ANKRD34C: variants seen among roughly 807,000 people sequenced by gnomAD.
ANKRD34C encodes ankyrin repeat domain-containing protein 34C.
For missense variants in ANKRD34C, 563 were observed against 653.0 expected, an observed-to-expected ratio of 0.86 and a Z score of 1.50; for synonymous variants, 260 against 253.6, an observed-to-expected ratio of 1.03 and a Z score of -0.24.
intron 1 of ANKRD34C, among the ~76,000 whole-genome samples, chr15:79,286,530 G>C (rs535593362): frequency 6.6e-6 from 1 of 152,194 alleles, no homozygotes; most frequent in African/African-American, 2.4e-5. Context: ...TTTATTCACT[G>C]TGATGCACAA....
At position 79,295,277 on chromosome 15, in the gene ANKRD34C, C is replaced by T. The variant is rs939637088; in HGVS notation, c.*385C>T. 3 of 181,586 alleles carry T rather than the reference C, an allele frequency of 1.7e-5. No individual in the cohort carries two copies. The highest frequency in any genetic ancestry group is 1.6e-4 in the South Asian group (1 of 6,202). 11.2% of individuals were successfully genotyped at this position (181,586 alleles called of 1,614,324 possible). A position where few individuals can be genotyped will look rare whatever the true frequency, so the allele number is the denominator to read the frequency against. ...ATCTATAAAGTGCCTACATAGAAAA[C>T]GAGGCTTTAACATTTGTTAGAATGT... On this transcript the variant is annotated 3_prime_UTR_variant, in exon 2 of 2. Coordinates refer to ENST00000421388, the MANE Select transcript of ANKRD34C (RefSeq NM_001146341.2).
Position 79,294,139 on chromosome 15 carries a change from C to G in ANKRD34C, c.855C>G (p.Ile285Met). ...ASTDNEVIKS[I>M]SDISFPKRGP... is the part of the protein sequence containing the mutation. ...CAGACAACGAGGTCATCAAGAGCAT[C>G]AGTGATATATCCTTCCCTAAAAGGG... Residue 285 changes from isoleucine (I) to methionine (M), a missense_variant, in exon 2 of 2, where the codon ATC becomes ATG. By Grantham distance (10) the Ile-to-Met change is conservative. Transcript: ENST00000421388. 1 of 1,551,508 alleles carries G rather than the reference C, an allele frequency of 6.4e-7. No homozygotes were observed. The highest frequency in any genetic ancestry group is 8.7e-7 in the Non-Finnish European group (1 of 1,147,002).
Position 79,293,705 on chromosome 15 carries a change from G to T in ANKRD34C, c.421G>T (p.Ala141Ser). ...DKDALKHLLD[A>S]CKAKGKEVII... The stretch of plus-strand genomic sequence containing the variant: ...GGATGCATTGAAGCATCTCCTTGAT[G>T]CCTGCAAAGCCAAAGGGAAGGAGGT... The change falls in exon 2 of 2, where the codon GCC becomes TCC. Residue 141 changes from alanine to serine, a missense_variant. By Grantham distance (99) the Ala-to-Ser change is moderately conservative (BLOSUM62 1). Coordinates refer to ENST00000421388, the MANE Select transcript of ANKRD34C (RefSeq NM_001146341.2). The T allele has an allele frequency of 6.4e-7, 1 of 1,551,694 alleles. No individual in the cohort carries two copies. The highest frequency in any genetic ancestry group is 2.4e-5 in the East Asian group (1 of 40,928).
chr15:79,288,381 G>A (rs902550287), intron 1 of ANKRD34C, among the ~76,000 whole-genome samples: 1 of 152,158 alleles, frequency 6.6e-6, no homozygotes, highest in African/African-American at 2.4e-5. Flanking sequence ...ATAATCTATT[G>A]CATCTTGGAA....
rs770356327 is a variant in ANKRD34C at position 79,291,595 on chromosome 15, CACACACAGAGAG to C, written c.-44-1644_-44-1633del. ...ACACACACACACACACACACACACACACACACAGAGAGAGAGAGAGAGAGAGAGAGAGAGAGA... is the reference window on the plus strand; with the variant it reads ...ACACACACACACACACACACACACACAGAGAGAGAGAGAGAGAGAGAGAGA... On this transcript the variant is annotated intron_variant, in intron 1 of 1. Transcript: ENST00000421388. 8.0e-3 allele frequency among the ~76,000 whole-genome samples: 948 copies of C among 118,098 alleles called. 3 individuals carry two copies. The highest frequency in any genetic ancestry group is 9.9e-3 in the South Asian group (32 of 3,236). The allele number at this position is 118,098 out of a possible 152,430, so 77.5% of individuals were successfully genotyped here.
chr15:79,283,406 T>A (rs2058634508), intron 1 of ANKRD34C, among the ~76,000 whole-genome samples, 178 bp downstream of exon 1: 1 of 152,146 alleles, frequency 6.6e-6, no homozygotes, highest in Non-Finnish European at 1.5e-5. Flanking sequence ...ATTTTTTATT[T>A]TTGCATTGAC....
At chr15:79,287,675 G>A (rs1385004447) in intron 1 of ANKRD34C, among the ~76,000 whole-genome samples, 2 of 152,192 alleles carry the variant, frequency 1.3e-5, no homozygotes, top group African/African-American at 2.4e-5. Context: ...ACAAAAACAT[G>A]CTGACTTATT....
intron 1 of ANKRD34C, among the ~76,000 whole-genome samples, chr15:79,286,690 T>G (rs2058646100): frequency 6.6e-6 from 1 of 152,172 alleles, no homozygotes; most frequent in Admixed American, 6.5e-5. Flanking sequence ...TCTTCATCTC[T>G]CAGGGGCTCC....
chr15:79,291,777 A>G (rs1021714053), intron 1 of ANKRD34C, among the ~76,000 whole-genome samples: 1 of 152,184 alleles, frequency 6.6e-6, no homozygotes, highest in African/African-American at 2.4e-5. Flanking sequence ...ACACAACAAC[A>G]TCAGACTCAT....
rs1023666668 is a variant in ANKRD34C at position 79,296,153 on chromosome 15, A to C, written c.*1261A>C. 6.0e-6 allele frequency: 1 copy of C among 167,082 alleles called. No individual in the cohort carries two copies. Among genetic ancestry groups the C allele is most frequent in the African/African-American group, 2.4e-5 (1 of 41,464 alleles). 10.3% of individuals were successfully genotyped at this position (167,082 alleles called of 1,614,324 possible). On this transcript the variant is annotated 3_prime_UTR_variant, in exon 2 of 2. Coordinates refer to ENST00000421388, the MANE Select transcript of ANKRD34C (RefSeq NM_001146341.2). ...TGGTTAAAAAGTTCAATAGTTCCTG[A>C]GGACAGCATCATATAGAGGAAAGAG...
Position 79,297,755 on chromosome 15 carries a change from CT to C in ANKRD34C, c.*2868del, listed in dbSNP as rs528126298. 1 of 166,936 alleles carries C rather than the reference CT, an allele frequency of 6.0e-6. No individual in the cohort carries two copies. The highest frequency in any genetic ancestry group is 2.4e-5 in the African/African-American group (1 of 41,458). 10.3% of individuals were successfully genotyped at this position (166,936 alleles called of 1,614,324 possible). On this transcript the variant is annotated 3_prime_UTR_variant, in exon 2 of 2. Transcript: ENST00000421388. The stretch of plus-strand genomic sequence containing the variant: ...CATGTCAATGAACCTAACAAGAATG[CT>C]TTTTAAAAGTATATTTTAGATTCAA...
chr15:79,286,569 A>G (rs2141200256), intron 1 of ANKRD34C, among the ~76,000 whole-genome samples: 1 of 152,360 alleles, frequency 6.6e-6, no homozygotes, highest in Admixed American at 6.5e-5. Context: ...ATGAAGGTAA[A>G]TTAGATTTTG....
At chr15:79,292,963 G>A (rs1032953691) in intron 1 of ANKRD34C, among the ~76,000 whole-genome samples, 6 of 152,256 alleles carry the variant, frequency 3.9e-5, no homozygotes, top group African/African-American at 1.4e-4. Flanking sequence ...TCTATGTTAG[G>A]CTTTATGTTA....
rs953921364 is a variant in ANKRD34C, at chr15:79,295,499, T to G, written c.*607T>G. 6.0e-6 allele frequency: 1 copy of G among 167,206 alleles called. No homozygotes were observed. The highest frequency in any genetic ancestry group is 2.1e-4 in the South Asian group (1 of 4,828). The allele number at this position is 167,206 out of a possible 1,614,324, so 10.4% of individuals were successfully genotyped here. The stretch of plus-strand genomic sequence containing the variant: ...TAATATATTTTGTTCACATACTAAT[T>G]TGTATGTGCTCTGAGTACCCAAATA... On this transcript the variant is annotated 3_prime_UTR_variant, in exon 2 of 2. Transcript: ENST00000421388.
At chr15:79,286,985 G>A (rs1159710037) in intron 1 of ANKRD34C, among the ~76,000 whole-genome samples, 3 of 152,138 alleles carry the variant, frequency 2.0e-5, no homozygotes, top group Admixed American at 2.0e-4. Context: ...TAAGTGTAAT[G>A]ACTTCCTCCT....
rs1347072170 is a variant in ANKRD34C, at chr15:79,298,170, T to C, written c.*3278T>C. On this transcript the variant is annotated 3_prime_UTR_variant, in exon 2 of 2. Transcript: ENST00000421388. ...AGCTGATGATGTGCTCAAAGATGTA[T>C]CAAAATCCATGTAATGACACCTTTT... 2 of 167,030 alleles carry C rather than the reference T, an allele frequency of 1.2e-5. No homozygotes were observed. The highest frequency in any genetic ancestry group is 4.8e-5 in the African/African-American group (2 of 41,452). 10.3% of individuals were successfully genotyped at this position (167,030 alleles called of 1,614,324 possible).
chr15:79,285,299 T>C (rs2058640404), intron 1 of ANKRD34C, among the ~76,000 whole-genome samples: 1 of 152,198 alleles, frequency 6.6e-6, no homozygotes, highest in South Asian at 2.1e-4. Flanking sequence ...CTCTTTTGTA[T>C]AATTCCATCC....
intron 1 of ANKRD34C, among the ~76,000 whole-genome samples, chr15:79,291,224 A>G (rs2058658249): frequency 6.6e-6 from 1 of 152,224 alleles, no homozygotes; most frequent in African/African-American, 2.4e-5. Context: ...AGAAACATGA[A>G]CAGTGCCAAG....
chr15:79,294,440 C>A lies in ANKRD34C; in HGVS notation c.1156C>A (p.Pro386Thr), dbSNP rs118125046. The change falls in exon 2 of 2, where the codon CCA becomes ACA. Residue 386 changes from proline to threonine, a missense_variant. Pro to Thr is a conservative substitution (Grantham distance 38). Transcript: ENST00000421388. ...ENDLYDLDIQ[P>T]GPDPPNSISL... is the part of the protein sequence containing the mutation. ...TGACCTCTATGACTTAGATATACAG[C>A]CAGGGCCTGACCCTCCCAACTCCAT... is the stretch of plus-strand genomic sequence containing the variant. 1 of 1,551,696 alleles carries A rather than the reference C, an allele frequency of 6.4e-7. No individual in the cohort carries two copies. Among genetic ancestry groups the A allele is most frequent in the Non-Finnish European group, 8.7e-7 (1 of 1,146,980 alleles).
Sources: allele counts gnomAD v4.1 joint callset (sites outside exome capture counted in the v4.1 genomes callset), GRCh38; gene constraint gnomAD v4.1.1; transcripts MANE v1.5; gene names NCBI Gene and HGNC (gene_info 2026-07-23, HGNC 2026-07-21).